Variants in SEMA3E observed in about 807,000 individuals in gnomAD.
The protein encoded by SEMA3E is semaphorin 3E.
Under a neutral mutation model 93.6 loss-of-function variants are expected in SEMA3E, and 49 were observed. The ratio of observed to expected loss-of-function variants is 0.52; its 90% CI spans 0.42 to 0.66. The LOEUF is 0.66. Ranked by LOEUF, SEMA3E falls within the 30% of genes least tolerant of loss-of-function variation. The pLI, the probability that SEMA3E is intolerant of heterozygous loss-of-function variation, is 0.00. For synonymous variants in SEMA3E, 363 were observed against 330.7 expected (o/e 1.10, Z -1.06); for missense variants, 906 against 964.8 (o/e 0.94, Z 0.81).
intron 1 of SEMA3E, among the ~76,000 whole-genome samples, chr7:83,642,700 C>T (rs901480762): frequency 1.3e-5 from 2 of 152,010 alleles, no homozygotes. Context: ...GTATAAGGTA[C>T]AGAGTATTAC....
chr7:83,519,972 A>G (rs980620415), intron 1 of SEMA3E, among the ~76,000 whole-genome samples: 4 of 152,118 alleles, frequency 2.6e-5, no homozygotes, highest in African/African-American at 9.7e-5. Flanking sequence ...TAGCTTCTCA[A>G]TCTAAAGCTT....
At position 83,600,486 on chromosome 7, in the gene SEMA3E, ATTTTTTTTTTTTTTTT is replaced by A. The variant is rs71522671; in HGVS notation, c.115+47926_115+47941del. ...AGGCGCCCGCCACCACGCCCAGCTA[ATTTTTTTTTTTTTTTT>A]TTTTTTTTTTTTTTTTTTGTATTTT... On this transcript the variant is annotated intron_variant, in intron 1 of 16. Coordinates refer to ENST00000643230, the MANE Select transcript of SEMA3E (RefSeq NM_012431.3). Among the ~76,000 whole-genome samples the A allele has an allele frequency of 3.0e-4, 19 of 63,076 alleles. No homozygotes were observed. The South Asian group carries it at 5.1e-3, about 17-fold the overall frequency. The allele number at this position is 63,076 out of a possible 152,430, so 41.4% of individuals were successfully genotyped here. A position where few individuals can be genotyped will look rare whatever the true frequency, so the allele number is the denominator to read the frequency against.
intron 1 of SEMA3E, among the ~76,000 whole-genome samples, chr7:83,532,512 TGTACA>T (rs1428477283): frequency 6.6e-6 from 1 of 152,206 alleles, no homozygotes; most frequent in African/African-American, 2.4e-5. Flanking sequence ...TGCATTACAC[TGTACA>T]GTACAGCGGG....
At chr7:83,480,668 T>A (rs1790126318) in intron 2 of SEMA3E, among the ~76,000 whole-genome samples, 1 of 152,168 alleles carries the variant, frequency 6.6e-6, no homozygotes. Flanking sequence ...TATGAATTGC[T>A]TTTTTAGCTA....
chr7:83,534,580 C>T (rs2115738686), intron 1 of SEMA3E, among the ~76,000 whole-genome samples: 1 of 152,226 alleles, frequency 6.6e-6, no homozygotes, highest in African/African-American at 2.4e-5. Flanking sequence ...GGTCACAATT[C>T]ACAGTTTGTA....
chr7:83,615,673 C>A (rs1793350283), intron 1 of SEMA3E, among the ~76,000 whole-genome samples: 1 of 152,090 alleles, frequency 6.6e-6, no homozygotes, highest in Admixed American at 6.6e-5. Context: ...GGGATTTGCA[C>A]CTATCACCCA....
At chr7:83,593,324 GTGTGTGTGTGTT>G in intron 1 of SEMA3E, among the ~76,000 whole-genome samples, 1 of 133,626 alleles carries the variant, frequency 7.5e-6, no homozygotes, top group South Asian at 2.4e-4. Context: ...GTGTGTGTGT[GTGTGTGTGTGTT>G]GGGGAGGGGG....
At chr7:83,388,875 A>T (rs373641334) in intron 14 of SEMA3E, among the ~76,000 whole-genome samples, 5 of 148,782 alleles carry the variant, frequency 3.4e-5, no homozygotes, top group African/African-American at 1.2e-4. Context: ...ATGCTATTTC[A>T]AGAGATCAAG....
At chr7:83,392,940 A>C (rs187185243) in intron 13 of SEMA3E, among the ~76,000 whole-genome samples, 5 of 150,054 alleles carry the variant, frequency 3.3e-5, no homozygotes, top group African/African-American at 1.2e-4. Context: ...ATGGTGGCGG[A>C]TGCCTGTAAT....
chr7:83,573,320 G>A (rs1290981329), intron 1 of SEMA3E, among the ~76,000 whole-genome samples: 2 of 151,618 alleles, frequency 1.3e-5, no homozygotes, highest in African/African-American at 4.8e-5. Context: ...ATTGTCTTCA[G>A]TATTTTTTCA....
chr7:83,541,568 C>T (rs1352507039), intron 1 of SEMA3E, among the ~76,000 whole-genome samples: 2 of 152,206 alleles, frequency 1.3e-5, no homozygotes, highest in East Asian at 1.9e-4. Context: ...TGAGAACCAT[C>T]CTCAAAGGCC....
At chr7:83,488,949 C>A (rs1790323927) in intron 2 of SEMA3E, among the ~76,000 whole-genome samples, 1 of 151,654 alleles carries the variant, frequency 6.6e-6, no homozygotes, top group African/African-American at 2.4e-5. Context: ...TGTTTAATTT[C>A]AAGAGGAACA....
chr7:83,382,386 C>T (rs1475835514), intron 16 of SEMA3E, among the ~76,000 whole-genome samples: 5 of 151,924 alleles, frequency 3.3e-5, no homozygotes, highest in African/African-American at 7.2e-5. Context: ...TACCTGAGTT[C>T]AAACGTCAGG....
intron 1 of SEMA3E, among the ~76,000 whole-genome samples, chr7:83,646,199 G>A (rs111833831): frequency 1.8e-4 from 28 of 152,072 alleles, no homozygotes; most frequent in African/African-American, 5.8e-4. Context: ...TAATTCACTC[G>A]CTACTGAACA....
At chr7:83,588,283 A>C (rs1204582587) in intron 1 of SEMA3E, among the ~76,000 whole-genome samples, 1 of 152,098 alleles carries the variant, frequency 6.6e-6, no homozygotes, top group East Asian at 1.9e-4. Context: ...TCGGAGGCTG[A>C]GGCAGGATAA....
intron 2 of SEMA3E, among the ~76,000 whole-genome samples, chr7:83,471,666 A>G (rs1471962051): frequency 6.6e-6 from 1 of 152,212 alleles, no homozygotes. Flanking sequence ...TGTTTTGGCT[A>G]TACTTTCATT....
At chr7:83,479,983 A>G (rs964807279) in intron 2 of SEMA3E, among the ~76,000 whole-genome samples, 2 of 152,206 alleles carry the variant, frequency 1.3e-5, no homozygotes, top group Admixed American at 1.3e-4. Flanking sequence ...ATGAATAACT[A>G]AAAAAGTTTT....
intron 4 of SEMA3E, among the ~76,000 whole-genome samples, chr7:83,458,422 C>A (rs1789537703): frequency 6.6e-6 from 1 of 151,940 alleles, no homozygotes; most frequent in Non-Finnish European, 1.5e-5. Context: ...AGAGATTTTT[C>A]ACTTGAGGAA....
intron 1 of SEMA3E, among the ~76,000 whole-genome samples, chr7:83,561,965 T>C (rs215273): frequency 0.54 from 81,683 of 151,790 alleles, 22,850 homozygotes; most frequent in African/African-American, 0.68. Flanking sequence ...CCCCACTAAA[T>C]TCACTATTGA....
Sources: gnomAD v4.1 joint callset for allele counts (sites outside exome capture counted in the v4.1 genomes callset) on GRCh38, gnomAD v4.1.1 for gene constraint, MANE v1.5 for transcripts, NCBI Gene and HGNC (gene_info 2026-07-23, HGNC 2026-07-21) for gene names.